PRKDC: variants seen among roughly 807,000 people sequenced by gnomAD.
The protein encoded by PRKDC is DNA-dependent protein kinase catalytic subunit.
A neutral mutation model predicts 486.9 loss-of-function variants in PRKDC; 82 were observed. The ratio of observed to expected loss-of-function variants is 0.17; its 90% confidence interval spans 0.14 to 0.20. PRKDC has a LOEUF of 0.20. Among genes scored for constraint, PRKDC ranks in the 10% least tolerant of loss-of-function variants. The pLI is 1.00. For missense variants in PRKDC, 4,504 were observed against 5,038.2 expected, an observed-to-expected ratio of 0.89 and a Z score of 3.21; for synonymous variants, 1,895 against 1,837.0, an observed-to-expected ratio of 1.03 and a Z score of -0.81.
chr8:47,902,678 C>T lies in PRKDC; in HGVS notation c.3160G>A (p.Val1054Ile), dbSNP rs777493278. 6 of 1,613,956 alleles carry T rather than the reference C, an allele frequency of 3.7e-6. No homozygotes were observed. The highest frequency in any genetic ancestry group is 1.1e-5 in the South Asian group (1 of 91,066). Residue 1054 changes from valine to isoleucine, a missense_variant, in exon 27 of 86, where the codon GTA (valine) becomes ATA (isoleucine). By Grantham distance (29) the Val-to-Ile change is conservative. Around this residue, in one of 6 missense-constraint regions of PRKDC, gnomAD observed 1,969 missense variants for 2,068.9 expected, o/e 0.95. Coordinates refer to ENST00000314191, the MANE Select transcript of PRKDC (RefSeq NM_006904.7). ...ITPQQQEKSP[V>I]NTKSLFKRLY... ...CGCTTGAAAAGCGATTTGGTGTTTA[C>T]TGGACTCTTCTCCTGCTGCTGTGGT... is the stretch of plus-strand genomic sequence containing the variant.
chr8:47,934,015 T>C lies in PRKDC; in HGVS notation c.1573A>G (p.Lys525Glu), dbSNP rs1435530411. 6 of 1,613,650 alleles carry C rather than the reference T, an allele frequency of 3.7e-6. No homozygotes were observed. In the Admixed American group the frequency reaches 5.0e-5, roughly 13 times the overall value. Residue 525 changes from lysine (K) to glutamate (E), a missense_variant, in exon 15 of 86, where the codon AAA becomes GAA. Lys to Glu is a moderately conservative substitution (Grantham distance 56). This residue lies in a region of PRKDC where 1,969 missense variants were observed against 2,068.9 expected (regional missense o/e 0.95). Coordinates refer to ENST00000314191, the MANE Select transcript of PRKDC (RefSeq NM_006904.7). Reference protein sequence around the residue: ...RTGKWKVPTYKDYVDLFRHLL... With the variant: ...RTGKWKVPTYEDYVDLFRHLL... Reference sequence around the variant, plus strand: ...TGTCTGAAGAGATCCACGTAGTCTTTGTATGTGGGCACCTTCCATTTGCCA... The same window carrying C: ...TGTCTGAAGAGATCCACGTAGTCTTCGTATGTGGGCACCTTCCATTTGCCA...
chr8:47,854,303 G>C, intron 50 of PRKDC, 89 bp from the exon 51 acceptor site: 1 of 1,434,562 alleles, frequency 7.0e-7, no homozygotes, highest in Non-Finnish European at 9.6e-7. Flanking sequence ...ATTTTTTTGA[G>C]ACAGAGTCTG....
chr8:47,943,733 G>A lies in PRKDC; in HGVS notation c.808+120C>T, dbSNP rs1339212620. On this transcript the variant is annotated intron_variant, in intron 9 of 85. Transcript: ENST00000314191. Reference sequence around the variant, plus strand: ...ACCGAAAGCCTCCCTGTAAATAACTGTGTGTGAAACATCACAGATGTTATC... The same window carrying A: ...ACCGAAAGCCTCCCTGTAAATAACTATGTGTGAAACATCACAGATGTTATC... 7 of 895,664 alleles carry A rather than the reference G, an allele frequency of 7.8e-6. No individual in the cohort carries two copies. In the East Asian group the frequency reaches 1.9e-4, roughly 24 times the overall value. 55.5% of individuals were successfully genotyped at this position (895,664 alleles called of 1,614,324 possible). A position where few individuals can be genotyped will look rare whatever the true frequency, so the allele number is the denominator to read the frequency against.
intron 28 of PRKDC, among the ~76,000 whole-genome samples, chr8:47,900,110 C>T (rs2089653462): frequency 6.6e-6 from 1 of 152,166 alleles, no homozygotes; most frequent in Non-Finnish European, 1.5e-5. Context: ...CGTTGTCTCC[C>T]CTGCCCTGGG....
intron 56 of PRKDC, 29 bp downstream of exon 56, chr8:47,839,119 T>C (rs2088088560): frequency 6.5e-7 from 1 of 1,539,794 alleles, no homozygotes; most frequent in South Asian, 1.1e-5. Context: ...CCTTAACATT[T>C]AATTGTCCCA....
chr8:47,926,937 C>T (rs1447540258), intron 21 of PRKDC: 4 of 373,064 alleles, frequency 1.1e-5, no homozygotes, highest in Non-Finnish European at 1.9e-5. Context: ...GTATTGAAGA[C>T]AGTACTTGTC....
intron 68 of PRKDC, among the ~76,000 whole-genome samples, chr8:47,811,252 A>G (rs1308709949): frequency 6.6e-6 from 1 of 152,266 alleles, no homozygotes; most frequent in African/African-American, 2.4e-5. Context: ...TCAGAGACAC[A>G]GCAGCCAAAA....
intron 74 of PRKDC, among the ~76,000 whole-genome samples, chr8:47,792,194 AAT>A (rs1250083576): frequency 6.6e-6 from 1 of 152,012 alleles, no homozygotes; most frequent in African/African-American, 2.4e-5. Context: ...TGGGCACAAA[AAT>A]ATAGTTAGGA....
chr8:47,907,524 T>C (rs1171939383), intron 25 of PRKDC, among the ~76,000 whole-genome samples: 4 of 150,386 alleles, frequency 2.7e-5, no homozygotes, highest in Admixed American at 6.6e-5. Flanking sequence ...AAATATTTTA[T>C]TTATATACCT....
rs114521004 is a variant in PRKDC, at chr8:47,901,713, G to A, written c.3269+856C>T. Among the ~76,000 whole-genome samples, 414 of 152,132 alleles carry A rather than the reference G, an allele frequency of 2.7e-3. 4 individuals carry two copies. Among genetic ancestry groups the A allele is most frequent in the African/African-American group, 8.6e-3 (357 of 41,478 alleles). On this transcript the variant is annotated intron_variant, in intron 27 of 85. Transcript: ENST00000314191. Reference sequence around the variant, plus strand: ...TGTAACCCTCACGAAGGGCTGTATCGTTATACCTCCAACATAGACACAGGT... The same window carrying A: ...TGTAACCCTCACGAAGGGCTGTATCATTATACCTCCAACATAGACACAGGT...
Position 47,934,080 on chromosome 8 carries a change from G to C in PRKDC, c.1508C>G (p.Ser503Cys). The change falls in exon 15 of 86, where the codon TCT (serine) becomes TGT (cysteine). Residue 503 changes from serine (S) to cysteine (C), a missense_variant. Coordinates refer to ENST00000314191, the MANE Select transcript of PRKDC (RefSeq NM_006904.7). ...KPVVLPKGPE[S>C]ESEDHRASGE... ...TGAAGCACGGTGGTCTTCAGATTCA[G>C]ACTCAGGGCCCTGGCCAGAAAGACA... 3 of 1,613,284 alleles carry C rather than the reference G, an allele frequency of 1.9e-6. No individual in the cohort carries two copies. Among genetic ancestry groups the C allele is most frequent in the South Asian group, 1.1e-5 (1 of 90,974 alleles).
intron 40 of PRKDC, among the ~76,000 whole-genome samples, chr8:47,875,833 T>C (rs186290767): frequency 3.5e-4 from 54 of 152,368 alleles, no homozygotes; most frequent in Admixed American, 3.1e-3. Context: ...GTATATAGTC[T>C]GTCCTAAAGA....
intron 76 of PRKDC, among the ~76,000 whole-genome samples, chr8:47,785,676 C>G (rs942455075): frequency 6.6e-6 from 1 of 151,820 alleles, no homozygotes; most frequent in African/African-American, 2.4e-5. Context: ...TCTGAAGTGA[C>G]AGTGAACTAT....
chr8:47,959,891 C>T, intron 1 of PRKDC, 82 bp downstream of exon 1: 1 of 1,500,148 alleles, frequency 6.7e-7, no homozygotes, highest in Non-Finnish European at 8.9e-7. Flanking sequence ...CATCTAAACA[C>T]AGAGAAGCGC....
At chr8:47,928,097 C>T (rs956527003) in intron 19 of PRKDC, among the ~76,000 whole-genome samples, 11 of 151,316 alleles carry the variant, frequency 7.3e-5, no homozygotes, top group African/African-American at 2.7e-4. Context: ...AAACAAGAAT[C>T]TATTTCATCT....
At chr8:47,934,702 T>C (rs931430603) in intron 14 of PRKDC, among the ~76,000 whole-genome samples, 1 of 152,220 alleles carries the variant, frequency 6.6e-6, no homozygotes, top group Non-Finnish European at 1.5e-5. Context: ...ATATGTCCTA[T>C]AATTTCTGGG....
chr8:47,858,280 C>T (rs1310105729), intron 48 of PRKDC, among the ~76,000 whole-genome samples: 3 of 148,468 alleles, frequency 2.0e-5, no homozygotes, highest in Admixed American at 2.0e-4. Context: ...CCACTTCTAA[C>T]TCACGAGAGG....
intron 30 of PRKDC, among the ~76,000 whole-genome samples, chr8:47,893,828 T>C (rs2089517176): frequency 6.6e-6 from 1 of 152,250 alleles, no homozygotes; most frequent in South Asian, 2.1e-4. Flanking sequence ...TGAGCCGTTT[T>C]TTCCAGGAAA....
chr8:47,794,428 G>A lies in PRKDC; in HGVS notation c.10532C>T (p.Ala3511Val). 1 of 1,613,742 alleles carries A rather than the reference G, an allele frequency of 6.2e-7. No homozygotes were observed. Among genetic ancestry groups the A allele is most frequent in the Non-Finnish European group, 8.5e-7 (1 of 1,179,610 alleles). ...TTCCACAGAGTGCTGAACAGCAACG[G>A]CTTGGTCTTTGTCCAGTAAGGCCAC... ...HMVALLDKDQ[A>V]VAVQHSVEEI... Residue 3511 changes from alanine to valine, a missense_variant, in exon 74 of 86, where the codon GCC becomes GTC. Ala to Val is a moderately conservative substitution (Grantham distance 64). This residue lies in a region of PRKDC where 706 missense variants were observed against 945.0 expected (regional missense o/e 0.75). Coordinates refer to ENST00000314191, the MANE Select transcript of PRKDC (RefSeq NM_006904.7).
Sources: gnomAD v4.1 joint callset for allele counts (sites outside exome capture counted in the v4.1 genomes callset) on GRCh38, gnomAD v4.1.1 for gene constraint, gnomAD v4.1.1 regional missense constraint, MANE v1.5 for transcripts, NCBI Gene and HGNC (gene_info 2026-07-23, HGNC 2026-07-21) for gene names.